GPHN: variants seen among roughly 807,000 people sequenced by gnomAD.
GPHN encodes the protein gephyrin.
GPHN carries 17 observed loss-of-function variants against 95.5 expected under a neutral mutation model. The ratio of observed to expected loss-of-function variants is 0.18; its 90% CI spans 0.12 to 0.27. The LOEUF (loss-of-function observed/expected upper bound fraction) is 0.27, where lower values mean the gene tolerates loss of function less well. Ranked by LOEUF, GPHN falls within the 10% of genes least tolerant of loss-of-function variation. The probability of loss-of-function intolerance (pLI) is 1.00; values close to 1 mark genes in which losing one functional copy is unlikely to be tolerated. For missense variants in GPHN, 660 were observed against 978.1 expected (o/e 0.67, Z 4.34); for synonymous variants, 320 against 322.5 (o/e 0.99, Z 0.08).
chr14:67,027,137 A>G (rs1399078462), intron 10 of GPHN, among the ~76,000 whole-genome samples: 2 of 152,250 alleles, frequency 1.3e-5, no homozygotes, highest in African/African-American at 4.8e-5. Flanking sequence ...ACGTGTTATC[A>G]GGATGATATG....
chr14:67,370,093 C>T, the GPHN span, among the ~76,000 whole-genome samples: 1 of 152,268 alleles, frequency 6.6e-6, no homozygotes, highest in East Asian at 1.9e-4. Flanking sequence ...TTAATTGCAG[C>T]AGGAACACGT....
At chr14:67,660,254 A>T in the GPHN span, 2 of 171,570 alleles carry the variant, frequency 1.2e-5, no homozygotes, top group African/African-American at 4.8e-5. Context: ...GCTCCATTTC[A>T]TATATAAGAC....
chr14:67,276,735 T>C, the GPHN span, among the ~76,000 whole-genome samples: 1 of 152,136 alleles, frequency 6.6e-6, no homozygotes, highest in African/African-American at 2.4e-5. Context: ...TACTACCAGG[T>C]TATAGAAATT....
chr14:67,161,029 G>A (rs192662932), intron 19 of GPHN, among the ~76,000 whole-genome samples: 19 of 152,252 alleles, frequency 1.2e-4, no homozygotes, highest in African/African-American at 3.4e-4. Flanking sequence ...GGTGGCTCAC[G>A]CCTATAATCC....
the GPHN span, chr14:67,557,456 C>T: frequency 8.1e-4 from 1,294 of 1,598,004 alleles, 2 homozygotes; most frequent in Non-Finnish European, 9.5e-4. Flanking sequence ...ATGCCCTCTT[C>T]GACATCTGTA....
the GPHN span, among the ~76,000 whole-genome samples, chr14:67,499,936 A>C: frequency 1.3e-5 from 2 of 152,094 alleles, no homozygotes; most frequent in African/African-American, 4.8e-5. Context: ...TAAGGAGGGG[A>C]GTGGTCTCCT....
chr14:67,244,457 G>T, the GPHN span, among the ~76,000 whole-genome samples: 22,621 of 152,188 alleles, frequency 0.15, 3,150 homozygotes, highest in East Asian at 0.42. Flanking sequence ...GATGAGAAAT[G>T]ATATAATTGC....
At chr14:67,525,025 C>T in the GPHN span, among the ~76,000 whole-genome samples, 5 of 152,142 alleles carry the variant, frequency 3.3e-5, no homozygotes, top group Non-Finnish European at 7.3e-5. Flanking sequence ...CTCTGAATCT[C>T]GGCTTTCTAC....
the GPHN span, among the ~76,000 whole-genome samples, chr14:67,717,635 A>G: frequency 6.6e-6 from 1 of 152,368 alleles, no homozygotes; most frequent in Non-Finnish European, 1.5e-5. Context: ...AACAGCTGGC[A>G]ATGCCAGGAG....
the GPHN span, among the ~76,000 whole-genome samples, chr14:67,284,586 A>C: frequency 0.19 from 26,629 of 140,456 alleles, 4,504 homozygotes; most frequent in East Asian, 0.47. Context: ...AAAAAAAAAA[A>C]AAGGTTGTGC....
the GPHN span, among the ~76,000 whole-genome samples, chr14:67,375,974 C>G: frequency 6.6e-6 from 1 of 152,014 alleles, no homozygotes; most frequent in African/African-American, 2.4e-5. Context: ...TGATGAAGAC[C>G]TTAATACTTT....
chr14:66,651,573 G>T (rs1307252481), intron 1 of GPHN, among the ~76,000 whole-genome samples: 1 of 152,162 alleles, frequency 6.6e-6, no homozygotes, highest in Non-Finnish European at 1.5e-5. Context: ...CTTTGTCCTT[G>T]CTAGAAGAGG....
At chr14:67,557,227 G>A in the GPHN span, 2 of 1,590,202 alleles carry the variant, frequency 1.3e-6, no homozygotes, top group Non-Finnish European at 8.6e-7. Context: ...CACACCCCGT[G>A]TGAGTGATGG....
chr14:66,693,105 CCAAAATAGT>C (rs1295767427), intron 2 of GPHN, among the ~76,000 whole-genome samples: 1 of 151,536 alleles, frequency 6.6e-6, no homozygotes, highest in Admixed American at 6.6e-5. Flanking sequence ...TTCAAAACTC[CCAAAATAGT>C]CAAAATATTA....
chr14:67,427,056 A>G, the GPHN span, among the ~76,000 whole-genome samples: 59 of 151,636 alleles, frequency 3.9e-4, 1 homozygote, highest in African/African-American at 1.3e-3. Flanking sequence ...GGAGGTAGCT[A>G]GAGTGTATTG....
At chr14:66,724,055 T>C (rs2071002945) in intron 2 of GPHN, among the ~76,000 whole-genome samples, 1 of 151,622 alleles carries the variant, frequency 6.6e-6, no homozygotes, top group Admixed American at 6.6e-5. Context: ...CAGGTTTCAT[T>C]TGAAAATTTC....
intron 6 of GPHN, 109 bp from the exon 7 acceptor site, chr14:66,922,557 T>A: frequency 1.3e-6 from 1 of 782,986 alleles, no homozygotes. Context: ...ATTCTGAGAT[T>A]GATGGAGGAA....
At chr14:66,765,584 G>A (rs1445688240) in intron 2 of GPHN, among the ~76,000 whole-genome samples, 2 of 152,150 alleles carry the variant, frequency 1.3e-5, no homozygotes, top group Non-Finnish European at 2.9e-5. Flanking sequence ...TTCAAAGACA[G>A]GAGCAACAGA....
At chr14:66,749,633 G>T (rs2058294480) in intron 2 of GPHN, among the ~76,000 whole-genome samples, 1 of 151,802 alleles carries the variant, frequency 6.6e-6, no homozygotes, top group South Asian at 2.1e-4. Context: ...TTTGTCATCT[G>T]TGTATCTTCT....
Sources: gnomAD v4.1 joint callset for allele counts (sites outside exome capture counted in the v4.1 genomes callset) on GRCh38, gnomAD v4.1.1 for gene constraint, MANE v1.5 for transcripts, NCBI Gene and HGNC (gene_info 2026-07-23, HGNC 2026-07-21) for gene names.